The following SCN11A variants were observed in gnomAD, a reference collection of about 807,000 sequenced individuals.
SCN11A encodes sodium channel protein type 11 subunit alpha.
Under a neutral mutation model 162.2 loss-of-function variants are expected in SCN11A, and 122 were observed. The ratio of observed to expected loss-of-function variants is 0.75; its 90% CI spans 0.65 to 0.87. The LOEUF (loss-of-function observed/expected upper bound fraction) is 0.87. SCN11A is among the 40% of genes least tolerant of loss of function. The pLI is 0.00. For missense variants in SCN11A, 2,015 were observed against 2,181.6 expected, an observed-to-expected ratio of 0.92 and a Z score of 1.52; for synonymous variants, 758 against 751.5, an observed-to-expected ratio of 1.01 and a Z score of -0.14.
chr3:38,888,135 A>C (rs937875303), intron 19 of SCN11A, among the ~76,000 whole-genome samples: 1 of 152,340 alleles, frequency 6.6e-6, no homozygotes, highest in African/African-American at 2.4e-5. Flanking sequence ...CTTAAGAGAG[A>C]AAGCCAAAAA....
intron 2 of SCN11A, among the ~76,000 whole-genome samples, chr3:39,011,847 G>C (rs1259244343): frequency 6.6e-6 from 1 of 152,108 alleles, no homozygotes; most frequent in African/African-American, 2.4e-5. Flanking sequence ...GCACTTGATA[G>C]TCACTCAGAT....
rs1363175748 is a variant in SCN11A, at chr3:38,908,072, T to A, written c.1350A>T (p.Thr450=). Residue 450 remains threonine (T), a synonymous_variant, in exon 14 of 30, where the codon ACA becomes ACT. Transcript: ENST00000302328. ...TTCTCTTTTTTGGGGTAAAATATGA[T>A]GTTTCAAGGGAAGTAAGTGAACTTC... The part of the protein sequence containing the change: ...IDRSSLTSLE[T]SYFTPKKRKL... 1 of 1,613,050 alleles carries A rather than the reference T, an allele frequency of 6.2e-7. No individual in the cohort carries two copies. The highest frequency in any genetic ancestry group is 1.3e-5 in the African/African-American group (1 of 74,858).
intron 10 of SCN11A, 36 bp from the exon 11 acceptor site, chr3:38,920,037 A>G: frequency 1.3e-6 from 2 of 1,489,820 alleles, no homozygotes; most frequent in Non-Finnish European, 1.9e-6. Context: ...CAGATTTTAA[A>G]AAAAACATTG....
At chr3:38,937,526 GAA>G (rs1195413618) in intron 7 of SCN11A, among the ~76,000 whole-genome samples, 1 of 151,342 alleles carries the variant, frequency 6.6e-6, no homozygotes, top group Admixed American at 6.6e-5. Context: ...AAATTTATAA[GAA>G]AAAAACAAAC....
At chr3:38,914,567 T>C (rs1400861154) in intron 11 of SCN11A, among the ~76,000 whole-genome samples, 1 of 152,174 alleles carries the variant, frequency 6.6e-6, no homozygotes, top group Non-Finnish European at 1.5e-5. Flanking sequence ...CTTGTGCTAC[T>C]TTTCAAGGAG....
intron 2 of SCN11A, among the ~76,000 whole-genome samples, chr3:39,025,389 T>G (rs561887030): frequency 6.6e-6 from 1 of 152,266 alleles, no homozygotes; most frequent in Admixed American, 6.5e-5. Flanking sequence ...AATAAAAGAA[T>G]GGCTACTCCC....
chr3:38,875,169 T>G (rs1408371779), intron 23 of SCN11A, among the ~76,000 whole-genome samples: 1 of 152,182 alleles, frequency 6.6e-6, no homozygotes, highest in African/African-American at 2.4e-5. Flanking sequence ...CTGCATGATG[T>G]CAAGGCTAAT....
intron 7 of SCN11A, among the ~76,000 whole-genome samples, chr3:38,930,181 T>C (rs1389903746): frequency 6.6e-6 from 1 of 152,164 alleles, no homozygotes; most frequent in African/African-American, 2.4e-5. Flanking sequence ...GTAAAAGAAG[T>C]GGACCTTTTC....
chr3:38,962,117 A>G (rs2066745104), intron 2 of SCN11A, among the ~76,000 whole-genome samples: 2 of 152,212 alleles, frequency 1.3e-5, no homozygotes, highest in Non-Finnish European at 2.9e-5. Flanking sequence ...CATTTGTTGA[A>G]AAGGCTGTCC....
intron 28 of SCN11A, among the ~76,000 whole-genome samples, chr3:38,855,441 T>G (rs963888284): frequency 1.3e-5 from 2 of 152,174 alleles, no homozygotes; most frequent in African/African-American, 4.8e-5. Context: ...CTACCTGTCC[T>G]AGTAGCTGAA....
chr3:38,966,819 C>T (rs1273967588), intron 2 of SCN11A, among the ~76,000 whole-genome samples: 1 of 152,206 alleles, frequency 6.6e-6, no homozygotes, highest in Non-Finnish European at 1.5e-5. Context: ...TGAAGCCTTT[C>T]TTGACCATGT....
chr3:38,894,508 T>C, intron 19 of SCN11A, 25 bp downstream of exon 19: 1 of 1,558,902 alleles, frequency 6.4e-7, no homozygotes, highest in Non-Finnish European at 8.7e-7. Flanking sequence ...GTATGACCTT[T>C]AAGTCTATGT....
At chr3:38,850,421 A>G (rs528799762) in intron 29 of SCN11A, 60 bp downstream of exon 29, 4 of 1,469,118 alleles carry the variant, frequency 2.7e-6, no homozygotes, top group Admixed American at 3.9e-5. Flanking sequence ...TCAAAAAATG[A>G]TAAGATTTAC....
chr3:38,904,125 G>T, intron 15 of SCN11A, 22 bp from the exon 16 acceptor site: 2 of 1,493,180 alleles, frequency 1.3e-6, no homozygotes, highest in Non-Finnish European at 1.8e-6. Context: ...TGAGCGAGAG[G>T]TTGAGGAGTT....
At chr3:39,035,873 T>C (rs1224432676) in intron 1 of SCN11A, among the ~76,000 whole-genome samples, 1 of 152,206 alleles carries the variant, frequency 6.6e-6, no homozygotes, top group East Asian at 1.9e-4. Flanking sequence ...TCTCCTGACC[T>C]TGTGATCCAC....
At chr3:38,849,044 C>G (rs547623459) in intron 29 of SCN11A, among the ~76,000 whole-genome samples, 1 of 152,298 alleles carries the variant, frequency 6.6e-6, no homozygotes, top group African/African-American at 2.4e-5. Flanking sequence ...ATTTTCTCAT[C>G]CACTGGGGCA....
chr3:38,929,128 T>TGCGCGCGC (rs145292640), intron 7 of SCN11A, among the ~76,000 whole-genome samples: 3,746 of 84,086 alleles, frequency 0.045, 93 homozygotes, highest in South Asian at 0.12. Flanking sequence ...ATACTGGGTC[T>TGCGCGCGC]GTGCACGCAC....
At chr3:38,951,511 G>A (rs1478081834) in intron 4 of SCN11A, among the ~76,000 whole-genome samples, 1 of 152,248 alleles carries the variant, frequency 6.6e-6, no homozygotes, top group Non-Finnish European at 1.5e-5. Flanking sequence ...CAGTCCCATC[G>A]ACCGCCCAAG....
chr3:38,898,173 G>T (rs997667183), intron 17 of SCN11A, among the ~76,000 whole-genome samples: 1 of 152,178 alleles, frequency 6.6e-6, no homozygotes, highest in African/African-American at 2.4e-5. Flanking sequence ...GGGAGGCAGA[G>T]GTTGCAGTGA....
Sources: allele counts gnomAD v4.1 joint callset (sites outside exome capture counted in the v4.1 genomes callset), GRCh38; gene constraint gnomAD v4.1.1; transcripts MANE v1.5; gene names NCBI Gene and HGNC (gene_info 2026-07-23, HGNC 2026-07-21).